The following NTM variants were observed in gnomAD, a reference collection of about 807,000 sequenced individuals.
NTM encodes the protein neurotrimin, also known as IgLON family member 2.
Under a neutral mutation model 42.1 loss-of-function variants are expected in NTM, and 13 were observed. That is an observed-to-expected ratio of 0.31 (90% confidence interval 0.20 to 0.49). The LOEUF (loss-of-function observed/expected upper bound fraction) is 0.49, where lower values mean the gene tolerates loss of function less well. NTM is among the 20% of genes least tolerant of loss of function. NTM has a pLI of 0.99. For synonymous variants in NTM, 187 were observed against 179.2 expected (o/e 1.04, Z -0.35); for missense variants, 373 against 452.8 (o/e 0.82, Z 1.60).
chr11:131,398,513 T>C (rs1944797295), intron 1 of NTM, among the ~76,000 whole-genome samples: 1 of 152,232 alleles, frequency 6.6e-6, no homozygotes, highest in Admixed American at 6.5e-5. Context: ...CAATTTTCCA[T>C]GTCGTTACAT....
chr11:131,759,571 C>G (rs2083823045), intron 1 of NTM, among the ~76,000 whole-genome samples: 1 of 151,842 alleles, frequency 6.6e-6, no homozygotes, highest in Non-Finnish European at 1.5e-5. Flanking sequence ...TGCTATTTTC[C>G]TGGAGTAAGA....
In NTM at chr11:131,465,558, C is replaced by T. The variant is rs146535166; in HGVS notation, c.82+94670C>T. Among the ~76,000 whole-genome samples the T allele has an allele frequency of 2.5e-4, 38 of 152,254 alleles. No homozygotes were observed. The East Asian group carries it at 5.8e-3, about 23-fold the overall frequency. On this transcript the variant is annotated intron_variant, in intron 1 of 8. Coordinates refer to ENST00000683400, the MANE Select transcript of NTM (RefSeq NM_001352005.2). ...TCTTGTCATACCTGGGGTCTTTCACCCCAGGCCCTGAGGCCTAAGCCCCTG... is the reference window on the plus strand; with the variant it reads ...TCTTGTCATACCTGGGGTCTTTCACTCCAGGCCCTGAGGCCTAAGCCCCTG...
intron 4 of NTM, among the ~76,000 whole-genome samples, chr11:132,219,910 A>G (rs1351616371): frequency 1.3e-5 from 2 of 152,150 alleles, no homozygotes; most frequent in Non-Finnish European, 2.9e-5. Context: ...TAAAAGCTCA[A>G]CTCAGTCCAT....
At chr11:132,213,471 CAG>C (rs956925193) in intron 4 of NTM, among the ~76,000 whole-genome samples, 1 of 151,604 alleles carries the variant, frequency 6.6e-6, no homozygotes, top group Admixed American at 6.6e-5. Flanking sequence ...ACATGAGACA[CAG>C]GGGGCTGACC....
chr11:131,527,749 C>T (rs1288077009), intron 1 of NTM, among the ~76,000 whole-genome samples: 1 of 152,184 alleles, frequency 6.6e-6, no homozygotes, highest in East Asian at 1.9e-4. Flanking sequence ...GGACTTTTAA[C>T]TAGTGTTCTT....
intron 2 of NTM, among the ~76,000 whole-genome samples, chr11:132,093,721 C>G (rs569788809): frequency 2.6e-5 from 4 of 152,218 alleles, no homozygotes; most frequent in African/African-American, 9.6e-5. Flanking sequence ...TCTATGTCAC[C>G]AACAGGGTGG....
In NTM at chr11:131,600,845, C is replaced by CT. The variant is rs377580397; in HGVS notation, c.82+229968dup. Among the ~76,000 whole-genome samples the CT allele has an allele frequency of 4.3e-3, 638 of 148,456 alleles. 1 individual carries two copies. The highest frequency in any genetic ancestry group is 0.01 in the Middle Eastern group (3 of 286). On this transcript the variant is annotated intron_variant, in intron 1 of 8. Coordinates refer to ENST00000683400, the MANE Select transcript of NTM (RefSeq NM_001352005.2). The stretch of plus-strand genomic sequence containing the variant: ...CACTACTCTTCTGTATAAACATTCA[C>CT]TTTTTTTTTTTCCATATGAAACCAG...
At chr11:131,844,602 A>G (rs964285831) in intron 1 of NTM, among the ~76,000 whole-genome samples, 1 of 149,764 alleles carries the variant, frequency 6.7e-6, no homozygotes, top group African/African-American at 2.5e-5. Context: ...GCCCATGAAC[A>G]TGTTATATGC....
intron 1 of NTM, among the ~76,000 whole-genome samples, chr11:131,803,916 A>C (rs1022356205): frequency 3.3e-5 from 5 of 152,076 alleles, no homozygotes; most frequent in African/African-American, 1.2e-4. Flanking sequence ...CCCACTGTCC[A>C]ATTATCACCT....
At chr11:131,531,718 G>A (rs1398165925) in intron 1 of NTM, among the ~76,000 whole-genome samples, 1 of 152,184 alleles carries the variant, frequency 6.6e-6, no homozygotes, top group Non-Finnish European at 1.5e-5. Flanking sequence ...GGGATACAAA[G>A]TGAGTAAAAC....
At chr11:131,512,139 C>T (rs2048327942) in intron 1 of NTM, among the ~76,000 whole-genome samples, 1 of 152,172 alleles carries the variant, frequency 6.6e-6, no homozygotes, top group Non-Finnish European at 1.5e-5. Context: ...CCAAAGCTCT[C>T]CTGCATGGAC....
chr11:131,668,454 C>T (rs893537194), intron 1 of NTM, among the ~76,000 whole-genome samples: 1 of 152,156 alleles, frequency 6.6e-6, no homozygotes, highest in African/African-American at 2.4e-5. Flanking sequence ...GGCCCCTCAC[C>T]TGCTTGTAGC....
At chr11:131,584,303 T>C (rs2058668617) in intron 1 of NTM, among the ~76,000 whole-genome samples, 1 of 152,220 alleles carries the variant, frequency 6.6e-6, no homozygotes, top group African/African-American at 2.4e-5. Context: ...GGCCGGCTAC[T>C]AACCCAGCCA....
At chr11:131,971,404 C>G (rs1488098815) in intron 2 of NTM, among the ~76,000 whole-genome samples, 1 of 152,072 alleles carries the variant, frequency 6.6e-6, no homozygotes, top group African/African-American at 2.4e-5. Flanking sequence ...GATTGAACCA[C>G]CTATCTTTTT....
chr11:131,448,647 C>T (rs150615315), intron 1 of NTM, among the ~76,000 whole-genome samples: 1,865 of 152,344 alleles, frequency 0.012, 40 homozygotes, highest in African/African-American at 0.043. Context: ...GAAGAGGCTA[C>T]CTCAGGCCAG....
chr11:132,283,124 C>CT (rs994739431), intron 4 of NTM, among the ~76,000 whole-genome samples: 2 of 151,672 alleles, frequency 1.3e-5, no homozygotes, highest in African/African-American at 4.8e-5. Context: ...GTAGCTGGGA[C>CT]TACAGGCACG....
intron 1 of NTM, among the ~76,000 whole-genome samples, chr11:131,781,482 A>G (rs2088119155): frequency 6.6e-6 from 1 of 152,182 alleles, no homozygotes; most frequent in Admixed American, 6.5e-5. Context: ...ATAATATATG[A>G]ACTCAACTTA....
At chr11:131,742,817 A>G (rs1179283680) in intron 1 of NTM, among the ~76,000 whole-genome samples, 1 of 152,248 alleles carries the variant, frequency 6.6e-6, no homozygotes, top group African/African-American at 2.4e-5. Flanking sequence ...GGGCAAGAAT[A>G]TAGAAATAAA....
chr11:131,699,569 G>C (rs1304057475), intron 1 of NTM, among the ~76,000 whole-genome samples: 1 of 152,136 alleles, frequency 6.6e-6, no homozygotes, highest in East Asian at 1.9e-4. Flanking sequence ...TGCTAATAAA[G>C]ACAAACCCAA....
Sources: allele counts gnomAD v4.1 joint callset (sites outside exome capture counted in the v4.1 genomes callset), GRCh38; gene constraint gnomAD v4.1.1; transcripts MANE v1.5; gene names NCBI Gene and HGNC (gene_info 2026-07-23, HGNC 2026-07-21).